The following GGT5 variants were observed in gnomAD, a reference collection of about 807,000 sequenced individuals.
GGT5 encodes the protein glutathione hydrolase 5 proenzyme.
A neutral mutation model predicts 58.1 loss-of-function variants in GGT5; 50 were observed. That is an observed-to-expected ratio of 0.86 (90% CI 0.69 to 1.09). The LOEUF (loss-of-function observed/expected upper bound fraction) is 1.09, where lower values mean the gene tolerates loss of function less well. Ranked by LOEUF, GGT5 falls within the 50% of genes least tolerant of loss-of-function variation. GGT5 has a pLI of 0.00. For missense variants in GGT5, 800 were observed against 789.4 expected (o/e 1.01, Z -0.16); for synonymous variants, 370 against 346.1 (o/e 1.07, Z -0.77).
intron 11 of GGT5, among the ~76,000 whole-genome samples, chr22:24,221,146 G>T (rs563689758): frequency 1.3e-5 from 2 of 152,336 alleles, no homozygotes; most frequent in Non-Finnish European, 2.9e-5. Flanking sequence ...ATTCCTGGGT[G>T]TAGGCTGAAC....
At chr22:24,231,605 C>A (rs2047944231) in intron 5 of GGT5, 75 bp from the exon 6 acceptor site, 3 of 1,414,084 alleles carry the variant, frequency 2.1e-6, no homozygotes, top group Non-Finnish European at 1.9e-6. Context: ...GCTGTCAGGT[C>A]ACACAATGGG....
rs564711431 is a variant in GGT5, at chr22:24,225,295, G to A, written c.1453C>T (p.Leu485=). 6.2e-7 allele frequency: 1 copy of A among 1,614,072 alleles called. No individual in the cohort carries two copies. The highest frequency in any genetic ancestry group is 1.1e-5 in the South Asian group (1 of 91,080). ...ILINKAQGSK[L]VIGGAGGELI... is the part of the protein sequence containing the mutation. ...TCCCCGCCAGCCCCGCCAATCACTAGCTTCGACCCCTGGGCTTTGTTGATC... is the reference window on the plus strand; with the variant it reads ...TCCCCGCCAGCCCCGCCAATCACTAACTTCGACCCCTGGGCTTTGTTGATC... The change falls in exon 10 of 12, where the codon CTA becomes TTA. Residue 485 remains leucine, a synonymous_variant. Coordinates refer to ENST00000327365, the MANE Select transcript of GGT5 (RefSeq NM_004121.5).
chr22:24,231,623 T>A, intron 5 of GGT5, 93 bp from the exon 6 acceptor site: 1 of 1,285,674 alleles, frequency 7.8e-7, no homozygotes, highest in Non-Finnish European at 1.1e-6. Flanking sequence ...GGGATTCCAC[T>A]CATGCTTTTG....
chr22:24,232,494 G>A (rs770145588), intron 4 of GGT5, among the ~76,000 whole-genome samples: 1 of 152,178 alleles, frequency 6.6e-6, no homozygotes, highest in Non-Finnish European at 1.5e-5. Flanking sequence ...TCAGTGGGCT[G>A]GGTGGGGCAG....
chr22:24,238,905 A>T (rs77773422), intron 1 of GGT5, among the ~76,000 whole-genome samples: 2,579 of 14,716 alleles, frequency 0.18, 368 homozygotes, highest in Admixed American at 0.23. Flanking sequence ...ATATATATAT[A>T]TTATATATAT....
intron 2 of GGT5, 83 bp downstream of exon 2, chr22:24,233,791 G>T: frequency 1.4e-6 from 2 of 1,379,692 alleles, no homozygotes; most frequent in Non-Finnish European, 2.0e-6. Flanking sequence ...ACGGGCTTGA[G>T]TTGATGGGAC....
At chr22:24,226,827 GCCCCCAC>G in intron 6 of GGT5, 60 bp from the exon 7 acceptor site, 3 of 1,426,128 alleles carry the variant, frequency 2.1e-6, no homozygotes, top group Non-Finnish European at 3.0e-6. Context: ...GTTGAATGTT[GCCCCCAC>G]CCCCCACCAC....
chr22:24,224,901 A>G, intron 11 of GGT5, 95 bp downstream of exon 11: 2 of 788,316 alleles, frequency 2.5e-6, no homozygotes, highest in South Asian at 1.6e-5. Context: ...TGGCCTAAGA[A>G]TCTCAGTGAC....
At position 24,226,777 on chromosome 22, in the gene GGT5, G is replaced by A. The variant is rs1569357548; in HGVS notation, c.902-10C>T. 1 of 1,613,806 alleles carries A rather than the reference G, an allele frequency of 6.2e-7. No individual in the cohort carries two copies. Among genetic ancestry groups the A allele is most frequent in the African/African-American group, 1.3e-5 (1 of 75,000 alleles). On this transcript the variant is annotated splice_polypyrimidine_tract_variant and intron_variant, in intron 6 of 11. Transcript: ENST00000327365. ...GTTGAGAAGTTGAACCCTGGAGAGA[G>A]GTTGGGGCACAGGTTGGTTGGGGTC...
Position 24,231,460 on chromosome 22 carries a change from C to CA in GGT5, c.824dup (p.Asp277GlyfsTer37). 6.4e-7 allele frequency: 1 copy of CA among 1,573,234 alleles called. No homozygotes were observed. Among genetic ancestry groups the CA allele is most frequent in the Non-Finnish European group, 8.6e-7 (1 of 1,159,156 alleles). Reference sequence around the variant, plus strand: ...GTGGTGAGTACAGGGTATAGTCCCCCAGGGGCACCTCCAGGGCATCCACCA... The same window carrying CA: ...GTGGTGAGTACAGGGTATAGTCCCCCAAGGGGCACCTCCAGGGCATCCACCA... On this transcript the variant is annotated frameshift_variant, in exon 6 of 12. Coordinates refer to ENST00000327365, the MANE Select transcript of GGT5 (RefSeq NM_004121.5). LOFTEE classifies it high-confidence loss of function.
intron 11 of GGT5, among the ~76,000 whole-genome samples, chr22:24,223,239 T>C (rs7286769): frequency 0.2 from 30,436 of 151,854 alleles, 5,253 homozygotes; most frequent in African/African-American, 0.47. Context: ...CCATCTTTAC[T>C]AAAAATACAA....
At chr22:24,235,246 C>A (rs879623951) in intron 1 of GGT5, among the ~76,000 whole-genome samples, 3 of 152,000 alleles carry the variant, frequency 2.0e-5, no homozygotes, top group Admixed American at 6.6e-5. Flanking sequence ...TTAGTAGAGA[C>A]GAGGTTTCTC....
chr22:24,239,513 A>G (rs1021694307), intron 1 of GGT5, among the ~76,000 whole-genome samples: 3 of 152,178 alleles, frequency 2.0e-5, no homozygotes, highest in African/African-American at 7.2e-5. Flanking sequence ...AATGTAGGGT[A>G]GAGGGAAGCA....
chr22:24,241,721 T>C (rs2048332286), intron 1 of GGT5: 1 of 151,984 alleles, frequency 6.6e-6, no homozygotes, highest in African/African-American at 2.4e-5. Flanking sequence ...AGGGGTATTA[T>C]ATCTTATATA....
chr22:24,233,097 C>A, intron 3 of GGT5, 79 bp from the exon 4 acceptor site: 1 of 1,082,688 alleles, frequency 9.2e-7, no homozygotes. Context: ...ATGTGGCCCC[C>A]CAGTTACAGC....
At chr22:24,240,882 G>A (rs2048308090) in intron 1 of GGT5, among the ~76,000 whole-genome samples, 2 of 152,160 alleles carry the variant, frequency 1.3e-5, no homozygotes, top group South Asian at 4.1e-4. Flanking sequence ...TAGGAGACGG[G>A]TGCAGTAGTT....
At chr22:24,220,396 AG>A (rs1422784870) in intron 11 of GGT5, 21 of 565,516 alleles carry the variant, frequency 3.7e-5, no homozygotes, top group Admixed American at 4.4e-5. Context: ...CAAGGACACC[AG>A]GGCCTTGAGG....
chr22:24,222,325 G>A (rs1188668261), intron 11 of GGT5, among the ~76,000 whole-genome samples: 1 of 152,154 alleles, frequency 6.6e-6, no homozygotes, highest in Non-Finnish European at 1.5e-5. Flanking sequence ...GGGCAAATGA[G>A]GTCTTTGGAG....
intron 1 of GGT5, among the ~76,000 whole-genome samples, chr22:24,237,009 T>C (rs200573247): frequency 0.017 from 1,301 of 78,380 alleles, 35 homozygotes; most frequent in South Asian, 0.15. Context: ...TTTTCTCTCT[T>C]TTTTTTTTTT....
Sources: gnomAD v4.1 joint callset for allele counts (sites outside exome capture counted in the v4.1 genomes callset) on GRCh38, gnomAD v4.1.1 for gene constraint, MANE v1.5 for transcripts, NCBI Gene and HGNC (gene_info 2026-07-23, HGNC 2026-07-21) for gene names.